The following TBC1D22A variants were observed in gnomAD, a reference collection of about 807,000 sequenced individuals.
The protein encoded by TBC1D22A is TBC1 domain family member 22A, also known as putative GTPase activator.
In TBC1D22A, 38 loss-of-function variants were observed where a neutral mutation model predicts 60.2. The observed-to-expected ratio is 0.63, with a 90% CI of 0.49 to 0.83. TBC1D22A has a LOEUF of 0.83. Ranked by LOEUF, TBC1D22A falls within the 40% of genes least tolerant of loss-of-function variation. The probability of loss-of-function intolerance (pLI) is 0.00; values close to 1 mark genes in which losing one functional copy is unlikely to be tolerated. For synonymous variants in TBC1D22A, 302 were observed against 281.7 expected, an observed-to-expected ratio of 1.07 and a Z score of -0.72; for missense variants, 628 against 701.0, an observed-to-expected ratio of 0.90 and a Z score of 1.18.
At chr22:47,137,048 AATAAG>A (rs1295764732) in intron 12 of TBC1D22A, among the ~76,000 whole-genome samples, 10 of 152,100 alleles carry the variant, frequency 6.6e-5, no homozygotes, top group Admixed American at 2.0e-4. Context: ...AAGAAAGTAA[AATAAG>A]ATAAAAAGAA....
chr22:47,053,248 C>T (rs1170514046), intron 11 of TBC1D22A, among the ~76,000 whole-genome samples: 1 of 152,236 alleles, frequency 6.6e-6, no homozygotes, highest in East Asian at 1.9e-4. Context: ...TCCTGTTCTG[C>T]TCTCTTCCTT....
At chr22:47,002,565 G>A (rs547664819) in intron 10 of TBC1D22A, among the ~76,000 whole-genome samples, 157 of 152,354 alleles carry the variant, frequency 1.0e-3, no homozygotes, top group African/African-American at 3.6e-3. Flanking sequence ...CTCAGCAGAT[G>A]TGTCCATTTG....
At chr22:47,005,924 A>G (rs2061576266) in intron 10 of TBC1D22A, among the ~76,000 whole-genome samples, 1 of 151,258 alleles carries the variant, frequency 6.6e-6, no homozygotes, top group Admixed American at 6.6e-5. Flanking sequence ...ACCCATATGC[A>G]CACACACACA....
chr22:46,886,056 T>C (rs111873994), intron 5 of TBC1D22A, among the ~76,000 whole-genome samples: 2,309 of 151,898 alleles, frequency 0.015, 63 homozygotes, highest in African/African-American at 0.053. Context: ...TACAGGCGCC[T>C]GCCACCACGC....
intron 11 of TBC1D22A, among the ~76,000 whole-genome samples, chr22:47,090,007 C>G (rs1467942371): frequency 1.3e-5 from 2 of 152,166 alleles, no homozygotes; most frequent in African/African-American, 4.8e-5. Flanking sequence ...TTTGGCGTGG[C>G]ATTCGCTCAC....
rs989334557 is a variant in TBC1D22A at position 46,941,693 on chromosome 22, C to T, written c.1015+29505C>T. Among the ~76,000 whole-genome samples, 35 of 56,862 alleles carry T rather than the reference C, an allele frequency of 6.2e-4. 2 individuals are homozygous for T. The highest frequency in any genetic ancestry group is 2.5e-3 in the African/African-American group (24 of 9,462). 37.3% of individuals were successfully genotyped at this position (56,862 alleles called of 152,430 possible). A position where few individuals can be genotyped will look rare whatever the true frequency, so the allele number is the denominator to read the frequency against. On this transcript the variant is annotated intron_variant, in intron 8 of 12. Coordinates refer to ENST00000337137, the MANE Select transcript of TBC1D22A (RefSeq NM_014346.5). Reference sequence around the variant, plus strand: ...AATATATATACGGAATATATATACGCGGATTATATATGCGGAATATATATA... The same window carrying T: ...AATATATATACGGAATATATATACGTGGATTATATATGCGGAATATATATA...
intron 9 of TBC1D22A, among the ~76,000 whole-genome samples, chr22:46,996,796 T>A (rs1004806554): frequency 6.6e-6 from 1 of 152,208 alleles, no homozygotes; most frequent in Admixed American, 6.5e-5. Context: ...GTGTCATGTG[T>A]GTGCTCCCTT....
At chr22:46,947,659 C>G (rs1425637206) in intron 8 of TBC1D22A, among the ~76,000 whole-genome samples, 1 of 152,198 alleles carries the variant, frequency 6.6e-6, no homozygotes, top group Admixed American at 6.5e-5. Context: ...TACATTCCCT[C>G]TGGCCCTTGC....
At chr22:47,073,973 T>G (rs1158478074) in intron 11 of TBC1D22A, among the ~76,000 whole-genome samples, 1 of 152,082 alleles carries the variant, frequency 6.6e-6, no homozygotes, top group African/African-American at 2.4e-5. Context: ...CTACAAAAAT[T>G]AGCTGAGTAT....
At chr22:46,987,988 A>G (rs1488644545) in intron 9 of TBC1D22A, among the ~76,000 whole-genome samples, 1 of 151,954 alleles carries the variant, frequency 6.6e-6, no homozygotes. Flanking sequence ...CTTTGTTGTC[A>G]TTTCAACAAT....
chr22:46,930,066 G>A (rs2071269574), intron 8 of TBC1D22A, among the ~76,000 whole-genome samples: 1 of 152,078 alleles, frequency 6.6e-6, no homozygotes, highest in South Asian at 2.1e-4. Flanking sequence ...CAATGATGTG[G>A]AACCTGTATA....
At chr22:47,043,028 C>T in intron 11 of TBC1D22A, among the ~76,000 whole-genome samples, 1 of 152,226 alleles carries the variant, frequency 6.6e-6, no homozygotes, top group South Asian at 2.1e-4. Context: ...TTATCAGCGC[C>T]TGCTCCGGGT....
intron 11 of TBC1D22A, among the ~76,000 whole-genome samples, chr22:47,076,380 T>TATACAC (rs1344914035): frequency 1.6e-5 from 2 of 124,538 alleles, no homozygotes; most frequent in African/African-American, 3.1e-5. Flanking sequence ...TATATATATA[T>TATACAC]ACACACACAC....
intron 1 of TBC1D22A, among the ~76,000 whole-genome samples, chr22:46,784,062 T>G (rs4823573): frequency 0.51 from 77,240 of 152,010 alleles, 20,044 homozygotes; most frequent in Middle Eastern, 0.67. Context: ...TCCTTTTTTT[T>G]GTATACAAAG....
intron 12 of TBC1D22A, among the ~76,000 whole-genome samples, chr22:47,144,630 C>T (rs1446665774): frequency 2.0e-5 from 3 of 152,366 alleles, no homozygotes; most frequent in South Asian, 4.1e-4. Flanking sequence ...CCTGGAGGCG[C>T]GTCGGTGTTA....
chr22:46,911,103 G>A (rs1386215635), intron 7 of TBC1D22A, among the ~76,000 whole-genome samples: 1 of 152,064 alleles, frequency 6.6e-6, no homozygotes, highest in Non-Finnish European at 1.5e-5. Flanking sequence ...GTATGGTGTG[G>A]GTGATAGGAT....
At chr22:46,844,435 C>G (rs1303671350) in intron 4 of TBC1D22A, among the ~76,000 whole-genome samples, 1 of 152,200 alleles carries the variant, frequency 6.6e-6, no homozygotes, top group African/African-American at 2.4e-5. Context: ...CATTAAGCAC[C>G]TCCTCTGTGC....
chr22:47,075,613 A>G (rs5767475), intron 11 of TBC1D22A, among the ~76,000 whole-genome samples: 71,424 of 152,092 alleles, frequency 0.47, 17,463 homozygotes, highest in East Asian at 0.59. Flanking sequence ...ACCTTGATCA[A>G]TACAATAGAA....
At chr22:46,985,625 C>T (rs1033875461) in intron 9 of TBC1D22A, among the ~76,000 whole-genome samples, 11 of 152,162 alleles carry the variant, frequency 7.2e-5, no homozygotes, top group African/African-American at 1.7e-4. Context: ...AATACTCCAC[C>T]GTGTGAATCT....
Sources: allele counts gnomAD v4.1 joint callset (sites outside exome capture counted in the v4.1 genomes callset), GRCh38; gene constraint gnomAD v4.1.1; transcripts MANE v1.5; gene names NCBI Gene and HGNC (gene_info 2026-07-23, HGNC 2026-07-21).